The following EREG variants were observed in gnomAD, a reference collection of about 807,000 sequenced individuals.
EREG encodes proepiregulin.
Under a neutral mutation model 22.4 loss-of-function variants are expected in EREG, and 23 were observed. The observed-to-expected ratio is 1.03, with a 90% CI of 0.74 to 1.46. The LOEUF (loss-of-function observed/expected upper bound fraction) is 1.46. Among genes scored for constraint, EREG ranks in the 40% most tolerant of loss-of-function variants. The pLI is 0.00. For missense variants in EREG, 226 were observed against 205.9 expected, an observed-to-expected ratio of 1.10 and a Z score of -0.60; for synonymous variants, 100 against 75.4, an observed-to-expected ratio of 1.33 and a Z score of -1.69.
Position 74,380,998 on chromosome 4 carries a change from T to C in EREG, c.155-16T>C, listed in dbSNP as rs1213933507. On this transcript the variant is annotated splice_polypyrimidine_tract_variant and intron_variant, in intron 2 of 4. Transcript: ENST00000244869. ...GAAGGCTGCAGAATATATTCAACTT[T>C]CCACTTCTTTTACAGTTCAGACAGA... 2 of 1,609,420 alleles carry C rather than the reference T, an allele frequency of 1.2e-6. No homozygotes were observed. Among genetic ancestry groups the C allele is most frequent in the Middle Eastern group, 3.3e-4 (2 of 6,032 alleles).
intron 1 of EREG, among the ~76,000 whole-genome samples, chr4:74,367,657 A>G (rs753806620): frequency 2.6e-5 from 4 of 152,236 alleles, no homozygotes; most frequent in Non-Finnish European, 5.9e-5. Context: ...ATAAATCTCA[A>G]TGAGACAATA....
intron 1 of EREG, 145 bp from the exon 2 acceptor site, chr4:74,379,303 T>C (rs867601619): frequency 3.9e-5 from 21 of 544,728 alleles, no homozygotes; most frequent in Middle Eastern, 4.8e-4. Flanking sequence ...CATGCCTGTT[T>C]CCATGAATTA....
At position 74,385,906 on chromosome 4, in the gene EREG, G is replaced by A; in HGVS notation, c.*1098G>A. 2.5e-6 allele frequency: 1 copy of A among 396,282 alleles called. No individual in the cohort carries two copies. Among genetic ancestry groups the A allele is most frequent in the Non-Finnish European group, 4.5e-6 (1 of 224,642 alleles). The allele number at this position is 396,282 out of a possible 1,614,324, so 24.5% of individuals were successfully genotyped here. On this transcript the variant is annotated 3_prime_UTR_variant, in exon 5 of 5. Transcript: ENST00000244869. ...TATTTAAAGTTGTATCTTGACACAG[G>A]AAATGGGAAAAAACTTAAAAATTAA... is the stretch of plus-strand genomic sequence containing the variant.
At chr4:74,370,107 CTT>C (rs1231634050) in intron 1 of EREG, among the ~76,000 whole-genome samples, 2 of 152,144 alleles carry the variant, frequency 1.3e-5, no homozygotes, top group South Asian at 2.1e-4. Context: ...TCAAGTCACT[CTT>C]TACTTTTGGT....
chr4:74,380,925 G>GAAGT lies in EREG; in HGVS notation c.155-87_155-84dup, dbSNP rs1171923610. The GAAGT allele has an allele frequency of 2.2e-6, 3 of 1,388,434 alleles. No individual in the cohort carries two copies. The African/African-American group carries it at 4.3e-5, about 20-fold the overall frequency. 86.0% of individuals were successfully genotyped at this position (1,388,434 alleles called of 1,614,324 possible). ...AGATTGGCATCTGACTTGTTGTGTA[G>GAAGT]AAGTAGTTCAGTGGTTACTGTTATG... On this transcript the variant is annotated intron_variant, in intron 2 of 4. Coordinates refer to ENST00000244869, the MANE Select transcript of EREG (RefSeq NM_001432.3).
In EREG at chr4:74,384,599, A is replaced by G; in HGVS notation, c.429-128A>G. The G allele has an allele frequency of 3.9e-6, 2 of 509,612 alleles. 1 individual carries two copies. The highest frequency in any genetic ancestry group is 8.4e-5 in the South Asian group (2 of 23,784). The allele number at this position is 509,612 out of a possible 1,614,324, so 31.6% of individuals were successfully genotyped here. A position where few individuals can be genotyped will look rare whatever the true frequency, so the allele number is the denominator to read the frequency against. On this transcript the variant is annotated intron_variant, in intron 4 of 4. Coordinates refer to ENST00000244869, the MANE Select transcript of EREG (RefSeq NM_001432.3). ...TTTTTTTTTTTTTTAACATTGTCCAACCTAAATCTGTTCAACTTTGTCATT... is the reference window on the plus strand; with the variant it reads ...TTTTTTTTTTTTTTAACATTGTCCAGCCTAAATCTGTTCAACTTTGTCATT...
In EREG at chr4:74,385,542, C is replaced by T; in HGVS notation, c.*734C>T. 4.6e-6 allele frequency: 1 copy of T among 217,010 alleles called. No individual in the cohort carries two copies. The highest frequency in any genetic ancestry group is 9.0e-6 in the Non-Finnish European group (1 of 111,490). 13.4% of individuals were successfully genotyped at this position (217,010 alleles called of 1,614,324 possible). A position where few individuals can be genotyped will look rare whatever the true frequency, so the allele number is the denominator to read the frequency against. On this transcript the variant is annotated 3_prime_UTR_variant, in exon 5 of 5. Coordinates refer to ENST00000244869, the MANE Select transcript of EREG (RefSeq NM_001432.3). ...TGTAATCTTTTATTTAAGTAGTGGG[C>T]ATTTCATAGCTTCACAATGTTCCTT...
intron 2 of EREG, 74 bp downstream of exon 2, chr4:74,379,608 A>C (rs1752440783): frequency 1.1e-6 from 1 of 884,908 alleles, no homozygotes; most frequent in African/African-American, 1.7e-5. Flanking sequence ...CAAAGACTAT[A>C]AGTATGTGAT....
rs1752155844 is a variant in EREG at position 74,365,347 on chromosome 4, C to A, written c.39C>A (p.Gly13=). The change falls in exon 1 of 5, where the codon GGC becomes GGA. Residue 13 remains glycine, a synonymous_variant. Coordinates refer to ENST00000244869, the MANE Select transcript of EREG (RefSeq NM_001432.3). The stretch of plus-strand genomic sequence containing the variant: ...GGAGGATGGAGATGCTCTGTGCCGG[C>A]AGGGTCCCTGCGCTGCTGCTCTGCC... ...AGRRMEMLCA[G]RVPALLLCLG... 5 of 1,609,894 alleles carry A rather than the reference C, an allele frequency of 3.1e-6. No individual in the cohort carries two copies. Among genetic ancestry groups the A allele is most frequent in the Non-Finnish European group, 3.4e-6 (4 of 1,179,962 alleles).
intron 1 of EREG, among the ~76,000 whole-genome samples, chr4:74,376,116 G>A (rs1452339124): frequency 6.6e-6 from 1 of 152,062 alleles, no homozygotes; most frequent in Non-Finnish European, 1.5e-5. Context: ...TTCCAACGGT[G>A]GAAAAACTAA....
At chr4:74,368,474 G>A (rs982445924) in intron 1 of EREG, among the ~76,000 whole-genome samples, 1 of 152,018 alleles carries the variant, frequency 6.6e-6, no homozygotes, top group African/African-American at 2.4e-5. Context: ...ATTGTGAATT[G>A]GATATAGCAT....
At chr4:74,382,366 C>T (rs1195038710) in intron 3 of EREG, 2 of 289,736 alleles carry the variant, frequency 6.9e-6, no homozygotes, top group Non-Finnish European at 1.3e-5. Context: ...CAAAAGGAAT[C>T]TCAAACCTGT....
Position 74,388,428 on chromosome 4 carries a change from T to C in EREG, c.*3620T>C, listed in dbSNP as rs981577256. ...ATGATGTTAAATGTAATATAATGTA[T>C]TTTCTTTTTATTTTGCACTCTGTAA... On this transcript the variant is annotated 3_prime_UTR_variant, in exon 5 of 5. Transcript: ENST00000244869. The C allele has an allele frequency of 2.0e-5, 3 of 152,712 alleles. No homozygotes were observed. Among genetic ancestry groups the C allele is most frequent in the African/African-American group, 7.2e-5 (3 of 41,582 alleles). The allele number at this position is 152,712 out of a possible 1,614,324, so 9.5% of individuals were successfully genotyped here.
chr4:74,372,498 A>G (rs1003499731), intron 1 of EREG, among the ~76,000 whole-genome samples: 3 of 152,238 alleles, frequency 2.0e-5, no homozygotes, highest in African/African-American at 7.2e-5. Context: ...AAAAGAAGGC[A>G]AATTGCAGAC....
At chr4:74,378,107 G>A (rs1752412871) in intron 1 of EREG, among the ~76,000 whole-genome samples, 1 of 152,150 alleles carries the variant, frequency 6.6e-6, no homozygotes, top group Admixed American at 6.5e-5. Flanking sequence ...CTACTTCAAC[G>A]AAACAGGTTG....
intron 3 of EREG, chr4:74,381,385 T>G: frequency 3.4e-6 from 1 of 290,106 alleles, no homozygotes. Context: ...TGTGTACACA[T>G]TATTTAGCTC....
intron 1 of EREG, among the ~76,000 whole-genome samples, chr4:74,366,316 C>T (rs916457265): frequency 1.3e-5 from 2 of 152,056 alleles, no homozygotes; most frequent in Non-Finnish European, 2.9e-5. Context: ...AGGCTGATTC[C>T]CCAGACACTC....
intron 1 of EREG, among the ~76,000 whole-genome samples, chr4:74,368,902 T>C (rs1429450083): frequency 2.6e-5 from 4 of 152,198 alleles, no homozygotes; most frequent in African/African-American, 9.7e-5. Context: ...ATGGCAATTC[T>C]GGAACCTTTG....
chr4:74,384,689 A>G (rs772290019), intron 4 of EREG, 38 bp from the exon 5 acceptor site: 2 of 1,187,818 alleles, frequency 1.7e-6, no homozygotes, highest in Admixed American at 3.4e-5. Context: ...TTTGCTATTA[A>G]CTGCAGTGCT....
Sources: allele counts gnomAD v4.1 joint callset (sites outside exome capture counted in the v4.1 genomes callset), GRCh38; gene constraint gnomAD v4.1.1; transcripts MANE v1.5; gene names NCBI Gene and HGNC (gene_info 2026-07-23, HGNC 2026-07-21).